USH2A: variants seen among roughly 807,000 people sequenced by gnomAD.
USH2A encodes usherin.
Under a neutral mutation model 538.9 loss-of-function variants are expected in USH2A, and 443 were observed. The observed-to-expected ratio is 0.82, with a 90% CI of 0.76 to 0.89. The LOEUF is 0.89. Among genes scored for constraint, USH2A ranks in the 40% least tolerant of loss-of-function variants. The pLI is 0.00. For synonymous variants in USH2A, 2,413 were observed against 2,273.5 expected (o/e 1.06, Z -1.75); for missense variants, 6,633 against 6,324.8 (o/e 1.05, Z -1.65).
chr1:215,640,698 T>C lies in USH2A; in HGVS notation c.14828A>G (p.Asn4943Ser), dbSNP rs1656649391. The change falls in exon 68 of 72, where the codon AAT becomes AGT. Residue 4943 changes from asparagine (N) to serine (S), a missense_variant. Physicochemically the swap from Asn to Ser is conservative, Grantham distance 46 (BLOSUM62 1). Transcript: ENST00000307340. ...QYRAPFSVDSNLSVVCVNWSD... is the reference protein window; with the variant it reads ...QYRAPFSVDSSLSVVCVNWSD... Reference sequence around the variant, plus strand: ...CCAGTTCACACACACCACAGACAAATTGCTGTCCACCGAAAATGGGGCTCG... The same window carrying C: ...CCAGTTCACACACACCACAGACAAACTGCTGTCCACCGAAAATGGGGCTCG... 6.2e-7 allele frequency: 1 copy of C among 1,613,522 alleles called. No homozygotes were observed. Among genetic ancestry groups the C allele is most frequent in the Non-Finnish European group, 8.5e-7 (1 of 1,179,914 alleles).
chr1:215,774,841 T>C (rs1000853129), intron 55 of USH2A, among the ~76,000 whole-genome samples: 1 of 152,100 alleles, frequency 6.6e-6, no homozygotes, highest in Admixed American at 6.6e-5. Flanking sequence ...TTCTTTGGCC[T>C]TAATATTTTA....
At chr1:216,056,856 C>T (rs942816959) in intron 30 of USH2A, among the ~76,000 whole-genome samples, 1 of 151,646 alleles carries the variant, frequency 6.6e-6, no homozygotes, top group Non-Finnish European at 1.5e-5. Flanking sequence ...TACATATAAC[C>T]CTTTTAATTT....
At chr1:215,931,175 G>A (rs551693231) in intron 38 of USH2A, among the ~76,000 whole-genome samples, 173 of 152,038 alleles carry the variant, frequency 1.1e-3, no homozygotes, top group African/African-American at 4.0e-3. Flanking sequence ...GTTCATCTAT[G>A]TGCCAAGTTA....
chr1:216,303,513 A>G (rs1330940294), intron 9 of USH2A, among the ~76,000 whole-genome samples: 1 of 151,990 alleles, frequency 6.6e-6, no homozygotes, highest in Non-Finnish European at 1.5e-5. Flanking sequence ...GTATTTGATT[A>G]TTTAAATATA....
chr1:216,316,112 G>A (rs1226447726), intron 9 of USH2A, among the ~76,000 whole-genome samples: 1 of 152,022 alleles, frequency 6.6e-6, no homozygotes, highest in African/African-American at 2.4e-5. Context: ...ATACAAAAAT[G>A]TATCGGAGTT....
intron 9 of USH2A, among the ~76,000 whole-genome samples, chr1:216,307,452 T>C (rs1305027153): frequency 6.6e-6 from 1 of 152,138 alleles, no homozygotes; most frequent in African/African-American, 2.4e-5. Flanking sequence ...TTCCAGGCAA[T>C]GGGTGAACAG....
rs113986047 is a variant in USH2A, at chr1:216,403,815, T to C, written c.651+14699A>G. Among the ~76,000 whole-genome samples the C allele has an allele frequency of 9.9e-3, 1,513 of 152,242 alleles. 23 individuals carry two copies. Among genetic ancestry groups the C allele is most frequent in the African/African-American group, 0.034 (1,401 of 41,534 alleles). On this transcript the variant is annotated intron_variant, in intron 3 of 71. Transcript: ENST00000307340. ...ATCCCCACGTGTCTAGGGAGGCACC[T>C]GGCGGGAGGTGATTAGATCATGGGG...
At chr1:216,369,458 C>T (rs1011748968) in intron 3 of USH2A, among the ~76,000 whole-genome samples, 20 of 152,252 alleles carry the variant, frequency 1.3e-4, no homozygotes, top group African/African-American at 4.3e-4. Flanking sequence ...CACTGTCTGA[C>T]GATCACACAC....
intron 3 of USH2A, among the ~76,000 whole-genome samples, chr1:216,397,333 A>C (rs1293447956): frequency 6.6e-6 from 1 of 152,216 alleles, no homozygotes; most frequent in Non-Finnish European, 1.5e-5. Context: ...TAAATTGTGA[A>C]TAGGCCATGT....
intron 38 of USH2A, among the ~76,000 whole-genome samples, chr1:215,930,797 AACTCC>A (rs1666344542): frequency 6.6e-6 from 1 of 152,172 alleles, no homozygotes; most frequent in Admixed American, 6.6e-5. Context: ...CCCCATTAGT[AACTCC>A]AGACCTTGAA....
chr1:216,156,196 T>C (rs949155957), intron 21 of USH2A, among the ~76,000 whole-genome samples: 1 of 152,096 alleles, frequency 6.6e-6, no homozygotes, highest in Non-Finnish European at 1.5e-5. Context: ...TTTATGTACA[T>C]GTCATCTCCC....
chr1:215,773,456 T>C (rs1045613176), intron 55 of USH2A, among the ~76,000 whole-genome samples: 7 of 151,704 alleles, frequency 4.6e-5, no homozygotes, highest in African/African-American at 1.7e-4. Context: ...TTTGGTCCGC[T>C]GCCTCCCCAC....
In USH2A at chr1:215,934,603, T is replaced by G. The variant is rs748702975; in HGVS notation, c.7300+13A>C. 1 of 1,610,838 alleles carries G rather than the reference T, an allele frequency of 6.2e-7. No homozygotes were observed. Among genetic ancestry groups the G allele is most frequent in the Non-Finnish European group, 8.5e-7 (1 of 1,177,832 alleles). Reference sequence around the variant, plus strand: ...TATATAAAATTAGATAGCCAACATTTGCATAGACTTACCTCCTGGAGGCAT... The same window carrying G: ...TATATAAAATTAGATAGCCAACATTGGCATAGACTTACCTCCTGGAGGCAT... On this transcript the variant is annotated intron_variant, in intron 38 of 71. Coordinates refer to ENST00000307340, the MANE Select transcript of USH2A (RefSeq NM_206933.4).
intron 21 of USH2A, among the ~76,000 whole-genome samples, chr1:216,125,891 G>A (rs752707689): frequency 6.6e-6 from 1 of 152,176 alleles, no homozygotes; most frequent in Non-Finnish European, 1.5e-5. Context: ...CTGGCATCAT[G>A]TAGACATCAT....
In USH2A at chr1:216,418,685, G is replaced by A. The variant is rs899324106; in HGVS notation, c.486-6C>T. 1 of 1,612,724 alleles carries A rather than the reference G, an allele frequency of 6.2e-7. No homozygotes were observed. The highest frequency in any genetic ancestry group is 8.5e-7 in the Non-Finnish European group (1 of 1,179,244). On this transcript the variant is annotated splice_region_variant and splice_polypyrimidine_tract_variant and intron_variant, in intron 2 of 71. Coordinates refer to ENST00000307340, the MANE Select transcript of USH2A (RefSeq NM_206933.4). ...CTGTCTTTTCTATAACACACCTTAG[G>A]AAGCAACCGGAAAAGAGAGAAAAGG...
chr1:215,953,012 G>A (rs1309579228), intron 37 of USH2A, among the ~76,000 whole-genome samples: 4 of 152,122 alleles, frequency 2.6e-5, no homozygotes, highest in Non-Finnish European at 5.9e-5. Context: ...TACAAGGGAC[G>A]TGAAGGACCT....
In USH2A at chr1:216,284,732, G is replaced by A. The variant is rs140429408; in HGVS notation, c.1971+4548C>T. On this transcript the variant is annotated intron_variant, in intron 11 of 71. Transcript: ENST00000307340. The stretch of plus-strand genomic sequence containing the variant: ...TTGAAAGAGATTGGAGGGCTCAGAA[G>A]ACAGAAAGATGTGGGAAAGTTTGGA... 5.0e-3 allele frequency among the ~76,000 whole-genome samples: 758 copies of A among 152,302 alleles called. 7 individuals carry two copies. The highest frequency in any genetic ancestry group is 0.018 in the African/African-American group (737 of 41,566).
chr1:215,947,127 C>T (rs537426538), intron 37 of USH2A, among the ~76,000 whole-genome samples: 10 of 151,548 alleles, frequency 6.6e-5, no homozygotes, highest in East Asian at 1.9e-4. Context: ...CTGCAAACTC[C>T]GCCTCTCACG....
chr1:216,318,791 A>G (rs1012208319), intron 9 of USH2A, among the ~76,000 whole-genome samples: 3 of 152,210 alleles, frequency 2.0e-5, no homozygotes, highest in African/African-American at 7.2e-5. Context: ...TTAATTCACT[A>G]GTTCATAATC....
Sources: allele counts gnomAD v4.1 joint callset (sites outside exome capture counted in the v4.1 genomes callset), GRCh38; gene constraint gnomAD v4.1.1; transcripts MANE v1.5; gene names NCBI Gene and HGNC (gene_info 2026-07-23, HGNC 2026-07-21).